Variants in RGS6 observed in about 807,000 individuals in gnomAD.
The protein encoded by RGS6 is regulator of G-protein signaling 6.
Under a neutral mutation model 78.5 loss-of-function variants are expected in RGS6, and 30 were observed. That is an observed-to-expected ratio of 0.38 (90% confidence interval 0.29 to 0.52). The LOEUF (loss-of-function observed/expected upper bound fraction) is 0.52. Ranked by LOEUF, RGS6 falls within the 20% of genes least tolerant of loss-of-function variation. The pLI is 0.85. For missense variants in RGS6, 495 were observed against 609.7 expected (o/e 0.81, Z 1.98); for synonymous variants, 206 against 206.0 (o/e 1.00, Z 0.00).
chr14:72,235,802 G>A (rs183519175), intron 2 of RGS6, among the ~76,000 whole-genome samples: 11 of 152,258 alleles, frequency 7.2e-5, no homozygotes, highest in African/African-American at 2.4e-4. Flanking sequence ...TTCTAACTCA[G>A]GTGTCCAGTA....
chr14:72,562,553 A>G lies in RGS6; in HGVS notation c.*86A>G. On this transcript the variant is annotated 3_prime_UTR_variant, in exon 18 of 18. Coordinates refer to ENST00000553525, the MANE Select transcript of RGS6 (RefSeq NM_001204424.2). Reference sequence around the variant, plus strand: ...CCACATCTGCGGACAGAGTTTCCTTACGAGGAGACTTGGTCACTGTGAAGG... The same window carrying G: ...CCACATCTGCGGACAGAGTTTCCTTGCGAGGAGACTTGGTCACTGTGAAGG... 4 of 1,585,448 alleles carry G rather than the reference A, an allele frequency of 2.5e-6. No individual in the cohort carries two copies. The highest frequency in any genetic ancestry group is 2.6e-6 in the Non-Finnish European group (3 of 1,171,998).
intron 2 of RGS6, among the ~76,000 whole-genome samples, chr14:72,067,117 A>G (rs2094189675): frequency 6.6e-6 from 1 of 152,190 alleles, no homozygotes; most frequent in Non-Finnish European, 1.5e-5. Flanking sequence ...TGCTGCAATA[A>G]ACATACGTGT....
At chr14:72,612,013 A>G in the RGS6 span, among the ~76,000 whole-genome samples, 1 of 152,204 alleles carries the variant, frequency 6.6e-6, no homozygotes, top group Non-Finnish European at 1.5e-5. Context: ...CAGCCCCTAC[A>G]GGACCTAGAG....
At chr14:72,515,040 A>C (rs2096923277) in intron 14 of RGS6, among the ~76,000 whole-genome samples, 1 of 152,128 alleles carries the variant, frequency 6.6e-6, no homozygotes, top group South Asian at 2.1e-4. Flanking sequence ...GTTCCTCAAA[A>C]CCAGTGATGG....
intron 4 of RGS6, among the ~76,000 whole-genome samples, chr14:72,457,824 C>G (rs996851415): frequency 6.6e-5 from 10 of 152,124 alleles, no homozygotes; most frequent in African/African-American, 2.4e-4. Context: ...ACTGGGAGTC[C>G]TACGTCTCTA....
In RGS6 at chr14:71,995,482, A is replaced by G. The variant is rs558889190; in HGVS notation, c.84+30607A>G. Among the ~76,000 whole-genome samples the G allele has an allele frequency of 5.9e-5, 9 of 152,320 alleles. No homozygotes were observed. The East Asian group carries it at 1.2e-3, about 20-fold the overall frequency. On this transcript the variant is annotated intron_variant, in intron 2 of 17. Transcript: ENST00000553525. ...AAGCTTCAGATCATTCTCTGAGTCA[A>G]GCTGTCCGGTTTATGTCCTGCTGTG...
At chr14:72,290,777 C>A (rs188406015) in intron 2 of RGS6, among the ~76,000 whole-genome samples, 1 of 152,174 alleles carries the variant, frequency 6.6e-6, no homozygotes, top group Non-Finnish European at 1.5e-5. Flanking sequence ...GAGCCTCACA[C>A]GGATTAATTA....
intron 3 of RGS6, among the ~76,000 whole-genome samples, chr14:72,395,434 C>T (rs889761502): frequency 6.6e-6 from 1 of 152,048 alleles, no homozygotes; most frequent in African/African-American, 2.4e-5. Flanking sequence ...TTAAAAAATA[C>T]ATATTCAGAT....
chr14:72,345,159 C>T (rs1219578128), intron 2 of RGS6, among the ~76,000 whole-genome samples: 1 of 152,114 alleles, frequency 6.6e-6, no homozygotes, highest in Non-Finnish European at 1.5e-5. Flanking sequence ...GTTCCCCCTC[C>T]CCCTCCTTCC....
intron 2 of RGS6, among the ~76,000 whole-genome samples, chr14:72,260,592 A>G (rs1357592623): frequency 6.6e-6 from 1 of 152,128 alleles, no homozygotes; most frequent in Admixed American, 6.5e-5. Flanking sequence ...TGCCGTGGAG[A>G]GAAGAGATGA....
At chr14:72,190,393 G>A (rs2097307703) in intron 2 of RGS6, among the ~76,000 whole-genome samples, 2 of 152,224 alleles carry the variant, frequency 1.3e-5, no homozygotes. Context: ...AGACAACATT[G>A]TGGAATGTGT....
At chr14:72,458,486 C>T (rs566514004) in intron 5 of RGS6, 109 bp downstream of exon 5, 1 of 797,722 alleles carries the variant, frequency 1.3e-6, no homozygotes, top group Admixed American at 2.3e-5. Context: ...GTAGCCCTCA[C>T]TCCTCATCAG....
At chr14:72,505,827 G>A (rs28408870) in intron 13 of RGS6, among the ~76,000 whole-genome samples, 1 of 152,210 alleles carries the variant, frequency 6.6e-6, no homozygotes, top group Non-Finnish European at 1.5e-5. Context: ...TACACCATGT[G>A]TAGCACTATG....
chr14:72,540,406 CGGTTTGT>C, intron 17 of RGS6: 1 of 1,458,028 alleles, frequency 6.9e-7, no homozygotes, highest in Middle Eastern at 1.8e-4. Flanking sequence ...CGGGGCTGTG[CGGTTTGT>C]GCATCTTCTG....
intron 4 of RGS6, 34 bp downstream of exon 4, chr14:72,454,612 T>C: frequency 6.3e-7 from 1 of 1,593,612 alleles, no homozygotes; most frequent in South Asian, 1.1e-5. Context: ...TTATCTCCCC[T>C]GGTATCAGTA....
chr14:72,202,686 A>C (rs1367182666), intron 2 of RGS6, among the ~76,000 whole-genome samples: 1 of 151,980 alleles, frequency 6.6e-6, no homozygotes, highest in Non-Finnish European at 1.5e-5. Context: ...CAGGCTGGAA[A>C]GGCTGTTTCT....
At chr14:71,879,752 A>G in the RGS6 span, among the ~76,000 whole-genome samples, 1 of 152,226 alleles carries the variant, frequency 6.6e-6, no homozygotes, top group African/African-American at 2.4e-5. Context: ...CTTTTTCTTT[A>G]TAAATTACCC....
At chr14:72,602,285 T>A in the RGS6 span, among the ~76,000 whole-genome samples, 2 of 152,188 alleles carry the variant, frequency 1.3e-5, no homozygotes, top group Non-Finnish European at 2.9e-5. Context: ...AAGTTTTTGT[T>A]GCCATATCAG....
chr14:72,172,798 A>C (rs574621104), intron 2 of RGS6, among the ~76,000 whole-genome samples: 2 of 152,326 alleles, frequency 1.3e-5, no homozygotes, highest in African/African-American at 4.8e-5. Flanking sequence ...TTGAATGTCT[A>C]GTCAAGGAGC....
Sources: allele counts gnomAD v4.1 joint callset (sites outside exome capture counted in the v4.1 genomes callset), GRCh38; gene constraint gnomAD v4.1.1; transcripts MANE v1.5; gene names NCBI Gene and HGNC (gene_info 2026-07-23, HGNC 2026-07-21).